Variants in PRR16 observed in about 807,000 individuals in gnomAD.
PRR16 encodes the protein protein Largen.
Under a neutral mutation model 18.2 loss-of-function variants are expected in PRR16, and 6 were observed. That is an observed-to-expected ratio of 0.33 (90% CI 0.18 to 0.65). The LOEUF (loss-of-function observed/expected upper bound fraction) is 0.65, where lower values mean the gene tolerates loss of function less well. Among genes scored for constraint, PRR16 ranks in the 30% least tolerant of loss-of-function variants. The probability of loss-of-function intolerance (pLI) is 0.74; values close to 1 mark genes in which losing one functional copy is unlikely to be tolerated. For missense variants in PRR16, 412 were observed against 376.6 expected (o/e 1.09, Z -0.78); for synonymous variants, 151 against 147.8 (o/e 1.02, Z -0.16).
the PRR16 span, among the ~76,000 whole-genome samples, chr5:120,787,220 G>C: frequency 6.6e-6 from 1 of 151,982 alleles, no homozygotes; most frequent in African/African-American, 2.4e-5. Flanking sequence ...AAAAAATGTG[G>C]TTTAAAAATT....
intron 1 of PRR16, among the ~76,000 whole-genome samples, chr5:120,674,806 T>C (rs1044202422): frequency 6.6e-5 from 10 of 151,914 alleles, no homozygotes; most frequent in Non-Finnish European, 1.5e-4. Context: ...TTTTAACTTT[T>C]TTCTTGTATT....
intron 1 of PRR16, among the ~76,000 whole-genome samples, chr5:120,583,094 G>C (rs1158352714): frequency 6.6e-6 from 1 of 152,182 alleles, no homozygotes; most frequent in Non-Finnish European, 1.5e-5. Flanking sequence ...CAATATGGTG[G>C]CTGTGTTCCA....
chr5:120,754,566 A>AT, the PRR16 span, among the ~76,000 whole-genome samples: 1 of 57,274 alleles, frequency 1.7e-5, no homozygotes, highest in South Asian at 5.5e-4. Context: ...ATATTATATA[A>AT]TATATTTATA....
intron 1 of PRR16, among the ~76,000 whole-genome samples, chr5:120,674,081 T>C (rs1222566698): frequency 1.3e-5 from 2 of 152,288 alleles, no homozygotes; most frequent in African/African-American, 4.8e-5. Flanking sequence ...AAATTTCAAC[T>C]ACTATCTAAA....
intron 1 of PRR16, among the ~76,000 whole-genome samples, chr5:120,543,267 A>G (rs968556807): frequency 6.6e-6 from 1 of 152,056 alleles, no homozygotes; most frequent in Non-Finnish European, 1.5e-5. Context: ...AAACTACTTA[A>G]TAGGTGTTTA....
chr5:120,711,680 G>A, the PRR16 span, among the ~76,000 whole-genome samples: 1 of 152,162 alleles, frequency 6.6e-6, no homozygotes, highest in East Asian at 1.9e-4. Flanking sequence ...CTGAAGCTGT[G>A]CTGTACAAAG....
the PRR16 span, among the ~76,000 whole-genome samples, chr5:120,791,642 CTATCT>C: frequency 6.7e-6 from 1 of 149,180 alleles, no homozygotes; most frequent in Non-Finnish European, 1.5e-5. Context: ...TATCATCTAT[CTATCT>C]ATCTATCTAT....
intron 1 of PRR16, among the ~76,000 whole-genome samples, chr5:120,622,117 C>T (rs1407674940): frequency 6.6e-6 from 1 of 152,130 alleles, no homozygotes; most frequent in Non-Finnish European, 1.5e-5. Context: ...TGGCACTTAT[C>T]ACTTTATGAA....
the PRR16 span, among the ~76,000 whole-genome samples, chr5:120,725,302 GTTT>G: frequency 3.5e-4 from 48 of 136,122 alleles, no homozygotes; most frequent in African/African-American, 1.2e-3. Context: ...ATTTGATGTT[GTTT>G]TTTTTTTTTT....
intron 1 of PRR16, among the ~76,000 whole-genome samples, chr5:120,557,168 T>C (rs1484549458): frequency 4.0e-5 from 6 of 151,876 alleles, no homozygotes; most frequent in Non-Finnish European, 8.8e-5. Context: ...TCTTAAACAC[T>C]CATAAAGATT....
chr5:120,738,887 C>G, the PRR16 span, among the ~76,000 whole-genome samples: 1 of 152,168 alleles, frequency 6.6e-6, no homozygotes, highest in Non-Finnish European at 1.5e-5. Flanking sequence ...CTAAAAGGAA[C>G]TGGCTGGATC....
chr5:120,611,521 G>A (rs565624298), intron 1 of PRR16, among the ~76,000 whole-genome samples: 27 of 152,278 alleles, frequency 1.8e-4, no homozygotes, highest in South Asian at 2.1e-4. Context: ...TGTACCAGCC[G>A]TGCCAGCCTT....
chr5:120,657,268 A>AGG (rs1756014107), intron 1 of PRR16, among the ~76,000 whole-genome samples: 1 of 151,974 alleles, frequency 6.6e-6, no homozygotes, highest in African/African-American at 2.4e-5. Flanking sequence ...GGATAAACTT[A>AGG]GAGTAAGCAG....
chr5:120,608,150 C>A (rs1285588008), intron 1 of PRR16, among the ~76,000 whole-genome samples: 1 of 152,114 alleles, frequency 6.6e-6, no homozygotes, highest in African/African-American at 2.4e-5. Context: ...ATATACCCAG[C>A]ACTTAGTTTT....
At chr5:120,645,817 A>G (rs1326051311) in intron 1 of PRR16, among the ~76,000 whole-genome samples, 3 of 121,882 alleles carry the variant, frequency 2.5e-5, no homozygotes, top group African/African-American at 7.8e-5. Context: ...TCCAGGCATT[A>G]CATCTCGAAT....
intron 1 of PRR16, among the ~76,000 whole-genome samples, chr5:120,541,742 C>G (rs563140255): frequency 6.6e-6 from 1 of 152,174 alleles, no homozygotes; most frequent in Non-Finnish European, 1.5e-5. Flanking sequence ...AATTGTGGCT[C>G]TAGATATGGG....
intron 1 of PRR16, among the ~76,000 whole-genome samples, chr5:120,602,446 A>G (rs1380334747): frequency 6.6e-6 from 1 of 152,170 alleles, no homozygotes; most frequent in African/African-American, 2.4e-5. Flanking sequence ...GTTGTTTATC[A>G]GTTCCAGTAG....
intron 1 of PRR16, among the ~76,000 whole-genome samples, chr5:120,659,048 C>G (rs1038348206): frequency 6.6e-6 from 1 of 151,752 alleles, no homozygotes. Context: ...CTTTTAAGGT[C>G]TCATATGTTA....
At chr5:120,779,856 C>T in the PRR16 span, among the ~76,000 whole-genome samples, 1 of 152,140 alleles carries the variant, frequency 6.6e-6, no homozygotes, top group Non-Finnish European at 1.5e-5. Context: ...ACAGCTCTCC[C>T]ATCGACGTGT....
Sources: allele counts gnomAD v4.1 joint callset (sites outside exome capture counted in the v4.1 genomes callset), GRCh38; gene constraint gnomAD v4.1.1; transcripts MANE v1.5; gene names NCBI Gene and HGNC (gene_info 2026-07-23, HGNC 2026-07-21).